The following CYP11B1 variants were observed in gnomAD, a reference collection of about 807,000 sequenced individuals.
CYP11B1 encodes cytochrome P450 11B1, mitochondrial.
CYP11B1 carries 34 observed loss-of-function variants against 48.3 expected under a neutral mutation model. The observed-to-expected ratio is 0.70, with a 90% CI of 0.54 to 0.94. The LOEUF is 0.94. Ranked by LOEUF, CYP11B1 falls within the 40% of genes least tolerant of loss-of-function variation. The pLI, the probability that CYP11B1 is intolerant of heterozygous loss-of-function variation, is 0.00. For synonymous variants in CYP11B1, 291 were observed against 262.5 expected, an observed-to-expected ratio of 1.11 and a Z score of -1.05; for missense variants, 688 against 657.4, an observed-to-expected ratio of 1.05 and a Z score of -0.51.
rs1181670494 is a variant in CYP11B1 at position 142,875,765 on chromosome 8, C to T, written c.1068G>A (p.Gln356=). The change falls in exon 6 of 9, where the codon CAG becomes CAA. Residue 356 remains glutamine, a synonymous_variant. Coordinates refer to ENST00000292427, the MANE Select transcript of CYP11B1 (RefSeq NM_000497.4). ...AAAASISEHP[Q]KATTELPLLR... is the part of the protein sequence containing the mutation. ...GCAAGGGCAGCTCGGTGGTTGCCTT[C>T]TGGGGATGTTCACTGATGCTGGCTG... 2 of 1,613,750 alleles carry T rather than the reference C, an allele frequency of 1.2e-6. No homozygotes were observed. The highest frequency in any genetic ancestry group is 1.1e-5 in the South Asian group (1 of 91,044).
At chr8:142,878,933 A>G in intron 2 of CYP11B1, 99 bp downstream of exon 2, 1 of 1,534,778 alleles carries the variant, frequency 6.5e-7, no homozygotes, top group South Asian at 1.2e-5. Context: ...TGCCCACCAC[A>G]GGGGCCCAGG....
At chr8:142,879,215 G>A (rs779821456) in intron 1 of CYP11B1, 28 bp from the exon 2 acceptor site, 1 of 1,613,728 alleles carries the variant, frequency 6.2e-7, no homozygotes, top group South Asian at 1.1e-5. Context: ...AGGCCGTGCT[G>A]GATGGGACCA....
rs777199047 is a variant in CYP11B1, at chr8:142,879,807, G to A, written c.7C>T (p.Leu3Phe). 2.5e-6 allele frequency: 4 copies of A among 1,613,706 alleles called. No individual in the cohort carries two copies. In the South Asian group the frequency reaches 3.3e-5, roughly 13 times the overall value. ...ATGCACACCTCTGCCTTTGCCCTGA[G>A]TGCCATTCCAATGCTCCCTCCACCC... MA[L>F]RAKAEVCMAV... Residue 3 changes from leucine (L) to phenylalanine (F), a missense_variant, in exon 1 of 9, where the codon CTC becomes TTC. Physicochemically the swap from Leu to Phe is conservative, Grantham distance 22. Coordinates refer to ENST00000292427, the MANE Select transcript of CYP11B1 (RefSeq NM_000497.4).
chr8:142,874,352 A>T lies in CYP11B1; in HGVS notation c.*21T>A. The T allele has an allele frequency of 6.4e-7, 1 of 1,569,270 alleles. No individual in the cohort carries two copies. The highest frequency in any genetic ancestry group is 8.8e-7 in the Non-Finnish European group (1 of 1,139,236). ...AAGGGAGGCTGGTGGCCAGGCTGGG[A>T]CCCTGGGTGCAGAGACGTGATTAGT... is the stretch of plus-strand genomic sequence containing the variant. On this transcript the variant is annotated 3_prime_UTR_variant, in exon 9 of 9. Transcript: ENST00000292427.
Position 142,875,729 on chromosome 8 carries a change from G to A in CYP11B1, c.1104C>T (p.Ala368=), listed in dbSNP as rs1254584549. 1.2e-6 allele frequency: 2 copies of A among 1,613,960 alleles called. No individual in the cohort carries two copies. Among genetic ancestry groups the A allele is most frequent in the South Asian group, 1.1e-5 (1 of 91,064 alleles). Residue 368 remains alanine, a synonymous_variant, in exon 6 of 9, where the codon GCC becomes GCT. Transcript: ENST00000292427. Reference sequence around the variant, plus strand: ...GCACCCACCGCAAGGTCTCCTTGAGGGCCGCACGCAGCAAGGGCAGCTCGG... The same window carrying A: ...GCACCCACCGCAAGGTCTCCTTGAGAGCCGCACGCAGCAAGGGCAGCTCGG... ...ATTELPLLRA[A]LKETLRLYPV... is the part of the protein sequence containing the mutation.
In CYP11B1 at chr8:142,875,140, C is replaced by A. The variant is rs758458518; in HGVS notation, c.1215G>T (p.Val405=). 2.5e-6 allele frequency: 4 copies of A among 1,614,266 alleles called. No individual in the cohort carries two copies. Among genetic ancestry groups the A allele is most frequent in the Non-Finnish European group, 3.4e-6 (4 of 1,180,048 alleles). The change falls in exon 8 of 9, where the codon GTG becomes GTT. Residue 405 remains valine, a synonymous_variant. Coordinates refer to ENST00000292427, the MANE Select transcript of CYP11B1 (RefSeq NM_000497.4). ...YHIPAGTLVR[V]FLYSLGRNPA... is the part of the protein sequence containing the mutation. ...GGTTGCGACCCAGAGAGTAGAGGAA[C>A]ACGCGCACCAATGTCTGCGGACGGT...
Position 142,874,101 on chromosome 8 carries a change from C to T in CYP11B1, c.*272G>A. On this transcript the variant is annotated 3_prime_UTR_variant, in exon 9 of 9. Coordinates refer to ENST00000292427, the MANE Select transcript of CYP11B1 (RefSeq NM_000497.4). Reference sequence around the variant, plus strand: ...GAGCCAGCACTGGGAGGGATGGGGGCAAACTGCCCAGAGGACAGTGCTTGC... The same window carrying T: ...GAGCCAGCACTGGGAGGGATGGGGGTAAACTGCCCAGAGGACAGTGCTTGC... 1.9e-6 allele frequency: 1 copy of T among 521,098 alleles called. No individual in the cohort carries two copies. The highest frequency in any genetic ancestry group is 1.9e-5 in the African/African-American group (1 of 52,200). 32.3% of individuals were successfully genotyped at this position (521,098 alleles called of 1,614,324 possible).
At position 142,876,733 on chromosome 8, in the gene CYP11B1, G is replaced by T. The variant is rs753471858; in HGVS notation, c.748C>A (p.Pro250Thr). Residue 250 changes from proline (P) to threonine (T), a missense_variant, in exon 4 of 9, where the codon CCC (proline) becomes ACC (threonine). Transcript: ENST00000292427. ...TCAAAGTGCTCCTTCCACACCTTGG[G>T]GCTGGTCCAGCGAGACAGGCTCCTG... ...MPRSLSRWTS[P>T]KVWKEHFEAW... 1 of 1,614,002 alleles carries T rather than the reference G, an allele frequency of 6.2e-7. No individual in the cohort carries two copies. Among genetic ancestry groups the T allele is most frequent in the Non-Finnish European group, 8.5e-7 (1 of 1,179,976 alleles).
chr8:142,878,983 C>T, intron 2 of CYP11B1, 49 bp downstream of exon 2: 1 of 1,608,826 alleles, frequency 6.2e-7, no homozygotes, highest in Non-Finnish European at 8.5e-7. Flanking sequence ...CGCCTCCCCC[C>T]TACACCCAGG....
intron 2 of CYP11B1, among the ~76,000 whole-genome samples, chr8:142,878,266 C>G (rs770038510): frequency 2.2e-4 from 34 of 152,208 alleles, no homozygotes; most frequent in Non-Finnish European, 5.0e-4. Flanking sequence ...AGGCCCCCAC[C>G]CTTGAGTGCC....
At chr8:142,877,955 G>C in intron 2 of CYP11B1, 1 of 750,938 alleles carries the variant, frequency 1.3e-6, no homozygotes. Flanking sequence ...CATGTGTGAA[G>C]AGACACATGT....
chr8:142,875,276 C>T lies in CYP11B1; in HGVS notation c.1158G>A (p.Ala386=), dbSNP rs142887967. 1.4e-4 allele frequency: 232 copies of T among 1,613,642 alleles called. No homozygotes were observed. In the African/African-American group the frequency reaches 2.5e-3, roughly 17 times the overall value. ...YPVGLFLERV[A]SSDLVLQNYH... Reference sequence around the variant, plus strand: ...AGTTCTGAAGCACCAAGTCTGAGCTCGCCACTCGCTCCAGAAACAGACCCA... The same window carrying T: ...AGTTCTGAAGCACCAAGTCTGAGCTTGCCACTCGCTCCAGAAACAGACCCA... Residue 386 remains alanine (A), a synonymous_variant, in exon 7 of 9, where the codon GCG becomes GCA. Coordinates refer to ENST00000292427, the MANE Select transcript of CYP11B1 (RefSeq NM_000497.4).
chr8:142,873,049 C>G lies in CYP11B1; in HGVS notation c.*1324G>C, dbSNP rs1816841186. The stretch of plus-strand genomic sequence containing the variant: ...AGAATTCTGATGTTTGTCAGCAACC[C>G]AGTCTATGGCGTTTTCTTAGAGCAT... On this transcript the variant is annotated 3_prime_UTR_variant, in exon 9 of 9. Transcript: ENST00000292427. The G allele has an allele frequency of 6.6e-6, 1 of 152,222 alleles. No individual in the cohort carries two copies. The highest frequency in any genetic ancestry group is 1.5e-5 in the Non-Finnish European group (1 of 68,052). 9.4% of individuals were successfully genotyped at this position (152,222 alleles called of 1,614,324 possible).
chr8:142,876,455 C>T (rs2130274026), intron 4 of CYP11B1, 60 bp from the exon 5 acceptor site: 2 of 1,571,630 alleles, frequency 1.3e-6, no homozygotes, highest in East Asian at 2.4e-5. Flanking sequence ...CCTTCAGTGT[C>T]CTCCTCCTGC....
Position 142,875,151 on chromosome 8 carries a change from A to G in CYP11B1, c.1204T>C (p.Leu402=), listed in dbSNP as rs748092288. ...LQNYHIPAGT[L]VRVFLYSLGR... is the part of the protein sequence containing the mutation. ...AGAGAGTAGAGGAACACGCGCACCA[A>G]TGTCTGCGGACGGTGCAGAGCGGGG... Residue 402 remains leucine, a synonymous_variant, in exon 8 of 9, where the codon TTG becomes CTG. Transcript: ENST00000292427. The G allele has an allele frequency of 4.3e-6, 7 of 1,614,102 alleles. No individual in the cohort carries two copies. The Admixed American group carries it at 8.3e-5, about 19-fold the overall frequency.
chr8:142,879,367 C>T (rs747461714), intron 1 of CYP11B1, 180 bp from the exon 2 acceptor site: 2 of 1,608,884 alleles, frequency 1.2e-6, no homozygotes, highest in African/African-American at 1.3e-5. Flanking sequence ...TGAGTCCTGC[C>T]CTCTCTGCAG....
rs1384313233 is a variant in CYP11B1, at chr8:142,874,106, T to A, written c.*267A>T. The A allele has an allele frequency of 1.9e-6, 1 of 528,552 alleles. No individual in the cohort carries two copies. The highest frequency in any genetic ancestry group is 3.4e-6 in the Non-Finnish European group (1 of 291,586). 32.7% of individuals were successfully genotyped at this position (528,552 alleles called of 1,614,324 possible). A position where few individuals can be genotyped will look rare whatever the true frequency, so the allele number is the denominator to read the frequency against. On this transcript the variant is annotated 3_prime_UTR_variant, in exon 9 of 9. Coordinates refer to ENST00000292427, the MANE Select transcript of CYP11B1 (RefSeq NM_000497.4). ...AGCACTGGGAGGGATGGGGGCAAAC[T>A]GCCCAGAGGACAGTGCTTGCTGGAG...
rs748474625 is a variant in CYP11B1 at position 142,874,359 on chromosome 8, G to T, written c.*14C>A. Reference sequence around the variant, plus strand: ...GCTGGTGGCCAGGCTGGGACCCTGGGTGCAGAGACGTGATTAGTTGATGGC... The same window carrying T: ...GCTGGTGGCCAGGCTGGGACCCTGGTTGCAGAGACGTGATTAGTTGATGGC... On this transcript the variant is annotated 3_prime_UTR_variant, in exon 9 of 9. Transcript: ENST00000292427. 1.3e-6 allele frequency: 2 copies of T among 1,586,574 alleles called. No homozygotes were observed. The highest frequency in any genetic ancestry group is 1.7e-6 in the Non-Finnish European group (2 of 1,154,906).
Position 142,872,432 on chromosome 8 carries a change from C to T in CYP11B1, c.*1941G>A, listed in dbSNP as rs1341700430. ...GCTTGAAACTTGTTACTCCTTTCTT[C>T]TTTCCTGTTTCTCCTTTCTGGAATG... On this transcript the variant is annotated 3_prime_UTR_variant, in exon 9 of 9. Transcript: ENST00000292427. 4 of 152,238 alleles carry T rather than the reference C, an allele frequency of 2.6e-5. No homozygotes were observed. The highest frequency in any genetic ancestry group is 4.4e-5 in the Non-Finnish European group (3 of 68,046). 9.4% of individuals were successfully genotyped at this position (152,238 alleles called of 1,614,324 possible).
Sources: gnomAD v4.1 joint callset for allele counts (sites outside exome capture counted in the v4.1 genomes callset) on GRCh38, gnomAD v4.1.1 for gene constraint, MANE v1.5 for transcripts, NCBI Gene and HGNC (gene_info 2026-07-23, HGNC 2026-07-21) for gene names.